H2BC4: variants seen among roughly 807,000 people sequenced by gnomAD.
The protein encoded by H2BC4 is histone H2B type 1-C/E/F/G/I.
H2BC4 carries 10 observed loss-of-function variants against 6.2 expected under a neutral mutation model. That is an observed-to-expected ratio of 1.61 (90% CI 0.99 to 2.73). H2BC4 has a LOEUF of 2.73. H2BC4 is among the 30% of genes most tolerant of loss of function. The pLI is 0.00. For missense variants in H2BC4, 176 were observed against 168.7 expected (o/e 1.04, Z -0.24); for synonymous variants, 146 against 70.7 (o/e 2.07, Z -5.35).
downstream of H2BC4, chr6:26,123,424 A>T: frequency 1.9e-6 from 3 of 1,552,252 alleles, no homozygotes; most frequent in African/African-American, 2.8e-5. Context: ...CTCCGCCGCC[A>T]AATAAAATTT....
intron 1 of H2BC4, among the ~76,000 whole-genome samples, chr6:26,117,857 T>C (rs889677768): frequency 2.6e-5 from 4 of 152,360 alleles, no homozygotes; most frequent in South Asian, 2.1e-4. Flanking sequence ...GAAAAGAGTT[T>C]AGTATGGATA....
downstream of H2BC4, among the ~76,000 whole-genome samples, chr6:26,119,498 C>T (rs959586653): frequency 1.3e-5 from 2 of 152,096 alleles, no homozygotes; most frequent in Non-Finnish European, 2.9e-5. Context: ...CTTAAGCTCA[C>T]ACATTGAATC....
chr6:26,114,623 T>C (rs1763396811), downstream of H2BC4, among the ~76,000 whole-genome samples: 1 of 152,062 alleles, frequency 6.6e-6, no homozygotes, highest in Non-Finnish European at 1.5e-5. Flanking sequence ...TGAACAAAGA[T>C]TTATGTACAA....
At chr6:26,115,550 A>G (rs1448228104) in intron 1 of H2BC4, among the ~76,000 whole-genome samples, 1 of 152,222 alleles carries the variant, frequency 6.6e-6, no homozygotes, top group Non-Finnish European at 1.5e-5. Flanking sequence ...CAGTGAGGAA[A>G]AAGACTTAGT....
At chr6:26,123,323 G>C, downstream of H2BC4, 1 of 930,976 alleles carries the variant, frequency 1.1e-6, no homozygotes, top group Non-Finnish European at 1.5e-6. Context: ...CATTTTTAAT[G>C]GCTGGCTTCT....
At position 26,123,578 on chromosome 6, in the gene H2BC4, C is replaced by T. The variant is rs1467669135; in HGVS notation, c.327G>A (p.Lys109=). The T allele has an allele frequency of 1.9e-6, 3 of 1,614,268 alleles. No homozygotes were observed. The highest frequency in any genetic ancestry group is 1.1e-5 in the South Asian group (1 of 91,090). The change falls in exon 1 of 1, where the codon AAG becomes AAA. Residue 109 remains lysine, a synonymous_variant. Transcript: ENST00000396984. The part of the protein sequence containing the change: ...VRLLLPGELA[K]HAVSEGTKAV... ...CCTTGGTGCCCTCCGACACGGCGTG[C>T]TTGGCCAGCTCTCCGGGAAGCAGCA... is the stretch of plus-strand genomic sequence containing the variant.
At chr6:26,114,299 A>C (rs1763393025), downstream of H2BC4, among the ~76,000 whole-genome samples, 2 of 152,178 alleles carry the variant, frequency 1.3e-5, no homozygotes, top group African/African-American at 4.8e-5. Flanking sequence ...ATCATTTTGC[A>C]GTGCAGTTTA....
chr6:26,117,670 G>T (rs1324866132), intron 1 of H2BC4, among the ~76,000 whole-genome samples: 1 of 152,152 alleles, frequency 6.6e-6, no homozygotes, highest in Admixed American at 6.5e-5. Flanking sequence ...GTCAAACTGT[G>T]ACTGAAAGAC....
At chr6:26,123,348 C>T, downstream of H2BC4, 2 of 1,146,108 alleles carry the variant, frequency 1.7e-6, no homozygotes, top group African/African-American at 1.6e-5. Flanking sequence ...GGTTCAGGAC[C>T]CTTTGTCCCT....
At chr6:26,116,762 T>A (rs1763426990) in intron 1 of H2BC4, among the ~76,000 whole-genome samples, 2 of 152,146 alleles carry the variant, frequency 1.3e-5, no homozygotes, top group South Asian at 4.1e-4. Flanking sequence ...TTCTCCAGAT[T>A]TACTCTCTTT....
downstream of H2BC4, among the ~76,000 whole-genome samples, chr6:26,119,670 A>C (rs189536164): frequency 6.6e-6 from 1 of 152,016 alleles, no homozygotes; most frequent in Non-Finnish European, 1.5e-5. Context: ...AGTAAATGCA[A>C]GTTAAATTAG....
chr6:26,116,522 A>G (rs1326571920), intron 1 of H2BC4, among the ~76,000 whole-genome samples: 1 of 151,992 alleles, frequency 6.6e-6, no homozygotes, highest in Non-Finnish European at 1.5e-5. Context: ...GTAAGACCCC[A>G]TCTCTACAAA....
downstream of H2BC4, among the ~76,000 whole-genome samples, chr6:26,120,286 A>G (rs1172319656): frequency 2.0e-5 from 3 of 152,146 alleles, no homozygotes; most frequent in Non-Finnish European, 4.4e-5. Context: ...CCCCATCTCT[A>G]CTAAAAATGC....
chr6:26,115,798 A>C (rs1763410131), intron 1 of H2BC4, among the ~76,000 whole-genome samples: 1 of 152,172 alleles, frequency 6.6e-6, no homozygotes. Context: ...ATTGTTAAAA[A>C]TATATTTATT....
chr6:26,121,185 C>T (rs1031942630), downstream of H2BC4, among the ~76,000 whole-genome samples: 3 of 152,160 alleles, frequency 2.0e-5, no homozygotes, highest in African/African-American at 7.2e-5. Flanking sequence ...AGAATATCAA[C>T]ATCTTCAAAC....
downstream of H2BC4, among the ~76,000 whole-genome samples, chr6:26,120,162 C>A (rs1763480152): frequency 6.6e-6 from 1 of 152,014 alleles, no homozygotes; most frequent in South Asian, 2.1e-4. Flanking sequence ...TATTTAAATT[C>A]ATAAAATAAG....
rs952974062 is a variant in H2BC4 at position 26,123,517 on chromosome 6, G to C, written c.*7C>G. 1.9e-6 allele frequency: 3 copies of C among 1,614,076 alleles called. No homozygotes were observed. Among genetic ancestry groups the C allele is most frequent in the Non-Finnish European group, 2.5e-6 (3 of 1,180,046 alleles). ...GGGTTAGGTGTTAAGACGCTTACTT[G>C]GAATGTTTACTTGGAGCTGGTGTAC... On this transcript the variant is annotated 3_prime_UTR_variant, in exon 1 of 1. Coordinates refer to ENST00000396984, the MANE Select transcript of H2BC4 (RefSeq NM_003526.3).
At chr6:26,121,738 C>G (rs1310455493), downstream of H2BC4, among the ~76,000 whole-genome samples, 1 of 151,516 alleles carries the variant, frequency 6.6e-6, no homozygotes, top group African/African-American at 2.4e-5. Context: ...GTGACCAGGT[C>G]CATTAGAGGC....
At chr6:26,116,650 C>A (rs932675412) in intron 1 of H2BC4, among the ~76,000 whole-genome samples, 1 of 151,964 alleles carries the variant, frequency 6.6e-6, no homozygotes, top group Non-Finnish European at 1.5e-5. Flanking sequence ...CAATGAGATG[C>A]GATTGCGCCA....
Sources: allele counts gnomAD v4.1 joint callset (sites outside exome capture counted in the v4.1 genomes callset), GRCh38; gene constraint gnomAD v4.1.1; transcripts MANE v1.5; gene names NCBI Gene and HGNC (gene_info 2026-07-23, HGNC 2026-07-21).